PTPRT: variants seen among roughly 807,000 people sequenced by gnomAD.
PTPRT encodes protein tyrosine phosphatase receptor type T, also known as receptor-type tyrosine-protein phosphatase T.
Under a neutral mutation model 176.8 loss-of-function variants are expected in PTPRT, and 56 were observed. The observed-to-expected ratio is 0.32, with a 90% CI of 0.26 to 0.40. The LOEUF (loss-of-function observed/expected upper bound fraction) is 0.40. PTPRT is among the 10% of genes least tolerant of loss of function. The pLI is 1.00. For missense variants in PTPRT, 1,540 were observed against 1,908.2 expected, an observed-to-expected ratio of 0.81 and a Z score of 3.60; for synonymous variants, 783 against 739.0, an observed-to-expected ratio of 1.06 and a Z score of -0.96.
At chr20:42,337,567 G>A (rs2058057727) in intron 11 of PTPRT, among the ~76,000 whole-genome samples, 1 of 152,178 alleles carries the variant, frequency 6.6e-6, no homozygotes, top group Non-Finnish European at 1.5e-5. Flanking sequence ...GACTTTGAGT[G>A]TGTATGACCC....
intron 6 of PTPRT, among the ~76,000 whole-genome samples, chr20:42,742,557 G>C (rs1034474712): frequency 1.3e-5 from 2 of 152,168 alleles, no homozygotes; most frequent in Non-Finnish European, 2.9e-5. Flanking sequence ...AAAAAGAGAG[G>C]GGGCTTGCAT....
intron 7 of PTPRT, among the ~76,000 whole-genome samples, chr20:42,494,627 CTTGT>C (rs1462409213): frequency 6.6e-6 from 1 of 152,072 alleles, no homozygotes; most frequent in Non-Finnish European, 1.5e-5. Context: ...CAGGAATTAC[CTTGT>C]TTATTTACTT....
At chr20:43,005,124 A>T (rs887733017) in intron 1 of PTPRT, among the ~76,000 whole-genome samples, 4 of 151,802 alleles carry the variant, frequency 2.6e-5, no homozygotes, top group Admixed American at 2.0e-4. Flanking sequence ...TTTGCATCTC[A>T]CCAGCACCCA....
At chr20:42,262,410 A>C (rs2056765178) in intron 13 of PTPRT, among the ~76,000 whole-genome samples, 1 of 152,146 alleles carries the variant, frequency 6.6e-6, no homozygotes, top group Admixed American at 6.5e-5. Context: ...GGCCAACACC[A>C]TGAGATCCCA....
intron 11 of PTPRT, among the ~76,000 whole-genome samples, chr20:42,336,555 G>T (rs972062480): frequency 3.9e-5 from 6 of 152,288 alleles, no homozygotes; most frequent in East Asian, 1.9e-4. Context: ...TGAATTGGCT[G>T]TCAGTGCCTG....
intron 1 of PTPRT, among the ~76,000 whole-genome samples, chr20:43,076,380 T>C (rs149666669): frequency 9.2e-5 from 14 of 151,816 alleles, no homozygotes; most frequent in Non-Finnish European, 1.6e-4. Flanking sequence ...ATATATTTAA[T>C]AGGATTTGAT....
chr20:42,082,046 G>A (rs776909664), intron 29 of PTPRT, 29 bp from the exon 30 acceptor site: 2 of 1,613,800 alleles, frequency 1.2e-6, no homozygotes, highest in South Asian at 2.2e-5. Context: ...GGTGAGCCAT[G>A]TTCCTAGGTC....
intron 1 of PTPRT, among the ~76,000 whole-genome samples, chr20:43,006,140 C>G (rs1008432762): frequency 6.6e-6 from 1 of 152,128 alleles, no homozygotes; most frequent in Non-Finnish European, 1.5e-5. Context: ...CCTACGTTTT[C>G]CACCTCGACA....
chr20:42,281,351 T>C (rs1373812291), intron 13 of PTPRT, among the ~76,000 whole-genome samples: 1 of 152,142 alleles, frequency 6.6e-6, no homozygotes, highest in Non-Finnish European at 1.5e-5. Context: ...CATGGTGACT[T>C]CTTATCACAG....
intron 9 of PTPRT, among the ~76,000 whole-genome samples, chr20:42,374,272 G>C (rs6030179): frequency 6.6e-6 from 1 of 152,188 alleles, no homozygotes; most frequent in East Asian, 1.9e-4. Context: ...GAAAAGGTCA[G>C]GTGTGGTCTG....
At chr20:42,624,005 C>CAAAAAAAAA (rs1159094345) in intron 7 of PTPRT, among the ~76,000 whole-genome samples, 1 of 135,686 alleles carries the variant, frequency 7.4e-6, no homozygotes, top group African/African-American at 3.2e-5. Context: ...AAAACAATAG[C>CAAAAAAAAA]AACAAACAAA....
At position 42,154,554 on chromosome 20, in the gene PTPRT, T is replaced by G. The variant is rs186271246; in HGVS notation, c.2682+6798A>C. Among the ~76,000 whole-genome samples, 865 of 152,306 alleles carry G rather than the reference T, an allele frequency of 5.7e-3. 5 individuals are homozygous for G. The highest frequency in any genetic ancestry group is 9.6e-3 in the Non-Finnish European group (652 of 68,012). On this transcript the variant is annotated intron_variant, in intron 17 of 30. Transcript: ENST00000373187. Reference sequence around the variant, plus strand: ...TTCCTCACAGCTGTTCCTTGTTGCTTTAAATAGTCTTAATGGAGCTGTAAT... The same window carrying G: ...TTCCTCACAGCTGTTCCTTGTTGCTGTAAATAGTCTTAATGGAGCTGTAAT...
chr20:42,490,229 T>C (rs1280361384), intron 7 of PTPRT, among the ~76,000 whole-genome samples: 1 of 151,250 alleles, frequency 6.6e-6, no homozygotes, highest in Non-Finnish European at 1.5e-5. Flanking sequence ...TTTTCCCCTC[T>C]ATATATATTT....
intron 7 of PTPRT, among the ~76,000 whole-genome samples, chr20:42,627,443 T>A (rs1006670865): frequency 1.8e-4 from 28 of 152,038 alleles, no homozygotes; most frequent in African/African-American, 5.1e-4. Flanking sequence ...CTAATTTTTT[T>A]AATTTTTTTG....
chr20:43,146,278 C>T lies in PTPRT; in HGVS notation c.88+43368G>A, dbSNP rs975020231. 2.6e-5 allele frequency among the ~76,000 whole-genome samples: 4 copies of T among 152,068 alleles called. No individual in the cohort carries two copies. In the East Asian group the frequency reaches 7.7e-4, roughly 29 times the overall value. On this transcript the variant is annotated intron_variant, in intron 1 of 30. Transcript: ENST00000373187. ...AGCTAACACAATATGCCAACCAGTC[C>T]CAGCTAAGCCAAATATTTGACGAAA...
intron 2 of PTPRT, among the ~76,000 whole-genome samples, chr20:42,869,854 C>A (rs963792350): frequency 6.6e-6 from 1 of 152,160 alleles, no homozygotes; most frequent in Non-Finnish European, 1.5e-5. Flanking sequence ...GAGTTGGGGC[C>A]TTTAGAAGAT....
chr20:42,994,025 C>T (rs368096856), intron 1 of PTPRT, among the ~76,000 whole-genome samples: 3 of 152,176 alleles, frequency 2.0e-5, no homozygotes, highest in South Asian at 2.1e-4. Flanking sequence ...CATTAAGTAA[C>T]GGGAATAGTA....
intron 1 of PTPRT, among the ~76,000 whole-genome samples, chr20:43,152,071 G>A (rs1035891822): frequency 3.3e-5 from 5 of 152,056 alleles, no homozygotes; most frequent in Non-Finnish European, 7.4e-5. Flanking sequence ...TTTCATTCGG[G>A]ATTCATTCCT....
chr20:42,569,392 G>A (rs1464417068), intron 7 of PTPRT, among the ~76,000 whole-genome samples: 2 of 151,914 alleles, frequency 1.3e-5, no homozygotes, highest in African/African-American at 4.8e-5. Flanking sequence ...AGTCCTGCAC[G>A]CAGTAGCTGC....
Sources: allele counts gnomAD v4.1 joint callset (sites outside exome capture counted in the v4.1 genomes callset), GRCh38; gene constraint gnomAD v4.1.1; transcripts MANE v1.5; gene names NCBI Gene and HGNC (gene_info 2026-07-23, HGNC 2026-07-21).